DENND5A: variants seen among roughly 807,000 people sequenced by gnomAD.
DENND5A encodes DENN domain-containing protein 5A.
A neutral mutation model predicts 140.3 loss-of-function variants in DENND5A; 64 were observed. That is an observed-to-expected ratio of 0.46 (90% CI 0.37 to 0.56). The LOEUF (loss-of-function observed/expected upper bound fraction) is 0.56. Ranked by LOEUF, DENND5A falls within the 20% of genes least tolerant of loss-of-function variation. DENND5A has a pLI of 0.00. For missense variants in DENND5A, 1,292 were observed against 1,593.8 expected (o/e 0.81, Z 3.22); for synonymous variants, 605 against 607.7 (o/e 1.00, Z 0.07).
chr11:9,160,298 A>G (rs1258955009), intron 12 of DENND5A, among the ~76,000 whole-genome samples: 1 of 152,252 alleles, frequency 6.6e-6, no homozygotes, highest in Non-Finnish European at 1.5e-5. Context: ...TAGTTAAACC[A>G]TCTGCATACA....
At chr11:9,145,472 A>G in intron 17 of DENND5A, 198 bp downstream of exon 17, 1 of 645,272 alleles carries the variant, frequency 1.5e-6, no homozygotes, top group Non-Finnish European at 2.7e-6. Flanking sequence ...TGCCTTCCAA[A>G]CATTGTTTAG....
chr11:9,235,750 A>G (rs988468596), intron 1 of DENND5A, among the ~76,000 whole-genome samples: 2 of 152,150 alleles, frequency 1.3e-5, no homozygotes, highest in Non-Finnish European at 2.9e-5. Context: ...GATTCCACTT[A>G]CATGAAACAT....
Position 9,194,568 on chromosome 11 carries a change from T to TA in DENND5A, c.950-888dup, listed in dbSNP as rs769353868. On this transcript the variant is annotated intron_variant, in intron 4 of 22. Coordinates refer to ENST00000328194, the MANE Select transcript of DENND5A (RefSeq NM_015213.4). Reference sequence around the variant, plus strand: ...CCAGTGACAGAGCTAGACTCCTTCTTAAAAAAAAAAAAAAGGCTTCCCTAG... The same window carrying TA: ...CCAGTGACAGAGCTAGACTCCTTCTTAAAAAAAAAAAAAAAGGCTTCCCTAG... Among the ~76,000 whole-genome samples, 754 of 136,072 alleles carry TA rather than the reference T, an allele frequency of 5.5e-3. 3 individuals are homozygous for TA. The highest frequency in any genetic ancestry group is 0.016 in the African/African-American group (598 of 36,946). 89.3% of individuals were successfully genotyped at this position (136,072 alleles called of 152,430 possible). A position where few individuals can be genotyped will look rare whatever the true frequency, so the allele number is the denominator to read the frequency against.
At chr11:9,223,958 G>A (rs1430507306) in intron 1 of DENND5A, among the ~76,000 whole-genome samples, 2 of 152,160 alleles carry the variant, frequency 1.3e-5, no homozygotes, top group African/African-American at 2.4e-5. Context: ...TTGGGAGGCC[G>A]CAGTGGGCGG....
intron 12 of DENND5A, 145 bp from the exon 13 acceptor site, chr11:9,152,587 T>C (rs1847656467): frequency 6.3e-6 from 4 of 630,330 alleles, no homozygotes; most frequent in South Asian, 4.0e-5. Context: ...TATGCAAATA[T>C]ATCAATTTAC....
intron 21 of DENND5A, among the ~76,000 whole-genome samples, chr11:9,142,482 C>T (rs529067837): frequency 2.6e-5 from 4 of 152,150 alleles, no homozygotes; most frequent in African/African-American, 9.7e-5. Context: ...TAAGTCCATA[C>T]TAAATAACAG....
intron 8 of DENND5A, chr11:9,175,615 T>C (rs903057797): frequency 2.0e-5 from 3 of 152,154 alleles, no homozygotes; most frequent in Non-Finnish European, 4.4e-5. Context: ...ATCAAGACAG[T>C]GTGGTATTGG....
At chr11:9,255,381 T>C (rs991756696) in intron 1 of DENND5A, among the ~76,000 whole-genome samples, 7 of 144,886 alleles carry the variant, frequency 4.8e-5, no homozygotes, top group Non-Finnish European at 1.1e-4. Context: ...ATTTTTCAGG[T>C]TGTTTAAGAC....
chr11:9,193,497 T>C lies in DENND5A; in HGVS notation c.1134A>G (p.Gln378=), dbSNP rs1849211359. ...LDDRSKLELP[Q]EANLCFVDID... ...GCACCAACACTCAAGATCTCACCTC[T>C]TGAGGCAGCTCCAGCTTTGACCGGT... Residue 378 remains glutamine, a synonymous_variant, in exon 5 of 23, where the codon CAA becomes CAG. Coordinates refer to ENST00000328194, the MANE Select transcript of DENND5A (RefSeq NM_015213.4). 7.5e-6 allele frequency: 12 copies of C among 1,602,828 alleles called. No individual in the cohort carries two copies. In the Middle Eastern group the frequency reaches 5.0e-4, roughly 67 times the overall value.
intron 4 of DENND5A, among the ~76,000 whole-genome samples, chr11:9,198,309 T>TAAAAA (rs762423564): frequency 4.2e-4 from 59 of 138,954 alleles, no homozygotes; most frequent in Non-Finnish European, 7.8e-4. Context: ...CACTCCACTT[T>TAAAAA]AAAAAAAAAA....
intron 11 of DENND5A, among the ~76,000 whole-genome samples, chr11:9,162,144 TCCAC>T (rs1392210171): frequency 8.8e-6 from 1 of 113,960 alleles, no homozygotes; most frequent in Non-Finnish European, 1.8e-5. Context: ...CATATTTCTT[TCCAC>T]TGTTAGTTTT....
intron 8 of DENND5A, 76 bp downstream of exon 8, chr11:9,178,056 T>G: frequency 1.0e-6 from 1 of 993,284 alleles, no homozygotes; most frequent in Non-Finnish European, 1.6e-6. Context: ...ATAAAGAGGC[T>G]GGCATATTTA....
chr11:9,185,577 G>C (rs924981449), intron 5 of DENND5A, among the ~76,000 whole-genome samples: 1 of 152,210 alleles, frequency 6.6e-6, no homozygotes, highest in Non-Finnish European at 1.5e-5. Flanking sequence ...CCCTAATGTA[G>C]ATAACAGGTT....
intron 1 of DENND5A, among the ~76,000 whole-genome samples, chr11:9,209,567 G>T (rs1416615108): frequency 6.6e-6 from 1 of 152,152 alleles, no homozygotes; most frequent in Non-Finnish European, 1.5e-5. Context: ...ACTATACGGG[G>T]TGCCAAAGTT....
In DENND5A at chr11:9,220,950, C is replaced by T. The variant is rs576290395; in HGVS notation, c.110-13318G>A. Among the ~76,000 whole-genome samples the T allele has an allele frequency of 7.3e-5, 11 of 150,906 alleles. No individual in the cohort carries two copies. The East Asian group carries it at 2.2e-3, about 29-fold the overall frequency. On this transcript the variant is annotated intron_variant, in intron 1 of 22. Transcript: ENST00000328194. ...CACATAAATTAGCCAGGCATAGTGG[C>T]GGGTGCCTGTAGACTCAGCTACTTG...
intron 9 of DENND5A, chr11:9,170,211 C>T: frequency 1.1e-6 from 1 of 896,370 alleles, no homozygotes; most frequent in South Asian, 5.1e-5. Context: ...ACTATATTCA[C>T]TTAACTCTAT....
At chr11:9,209,014 T>G (rs1312659787) in intron 1 of DENND5A, among the ~76,000 whole-genome samples, 1 of 152,238 alleles carries the variant, frequency 6.6e-6, no homozygotes, top group Non-Finnish European at 1.5e-5. Flanking sequence ...TCTGAAATTC[T>G]TGGGATGTAT....
At chr11:9,148,864 G>C (rs1172002361) in intron 15 of DENND5A, among the ~76,000 whole-genome samples, 3 of 152,194 alleles carry the variant, frequency 2.0e-5, no homozygotes, top group Admixed American at 2.0e-4. Context: ...TTAGAGGTGA[G>C]AGAAGTCATG....
chr11:9,237,053 C>T (rs1851033558), intron 1 of DENND5A, among the ~76,000 whole-genome samples: 1 of 152,116 alleles, frequency 6.6e-6, no homozygotes, highest in Non-Finnish European at 1.5e-5. Flanking sequence ...ACAGACAATT[C>T]ATAGAATAAA....
Sources: allele counts gnomAD v4.1 joint callset (sites outside exome capture counted in the v4.1 genomes callset), GRCh38; gene constraint gnomAD v4.1.1; transcripts MANE v1.5; gene names NCBI Gene and HGNC (gene_info 2026-07-23, HGNC 2026-07-21).